PCCA: variants seen among roughly 807,000 people sequenced by gnomAD.
PCCA encodes propionyl-CoA carboxylase alpha chain, mitochondrial.
Under a neutral mutation model 101.3 loss-of-function variants are expected in PCCA, and 74 were observed. The observed-to-expected ratio is 0.73, with a 90% CI of 0.61 to 0.89. PCCA has a LOEUF of 0.89. Among genes scored for constraint, PCCA ranks in the 40% least tolerant of loss-of-function variants. The pLI, the probability that PCCA is intolerant of heterozygous loss-of-function variation, is 0.00. For synonymous variants in PCCA, 294 were observed against 313.6 expected (o/e 0.94, Z 0.66); for missense variants, 891 against 907.0 (o/e 0.98, Z 0.23).
intron 4 of PCCA, among the ~76,000 whole-genome samples, chr13:100,142,035 A>C (rs1489236941): frequency 1.4e-4 from 21 of 151,882 alleles, no homozygotes; most frequent in Non-Finnish European, 1.6e-4. Flanking sequence ...AATACTTGGA[A>C]ATTCATTTTT....
intron 19 of PCCA, among the ~76,000 whole-genome samples, chr13:100,419,228 T>C (rs1306937699): frequency 2.0e-5 from 3 of 152,028 alleles, no homozygotes; most frequent in African/African-American, 7.2e-5. Flanking sequence ...TCCCAGCACT[T>C]TGGGAGGCCG....
intron 21 of PCCA, among the ~76,000 whole-genome samples, chr13:100,456,889 G>A (rs563823322): frequency 1.3e-5 from 2 of 152,206 alleles, no homozygotes; most frequent in African/African-American, 4.8e-5. Flanking sequence ...ATAATATCCA[G>A]CCTCCCACAA....
chr13:100,218,179 T>C lies in PCCA; in HGVS notation c.600+8716T>C, dbSNP rs550479468. ...ATTTGTATGCAAGTATTTGCTTATA[T>C]ATTTGTTTGTTTTGAGATGGTATTT... On this transcript the variant is annotated intron_variant, in intron 7 of 23. Coordinates refer to ENST00000376285, the MANE Select transcript of PCCA (RefSeq NM_000282.4). 1.1e-3 allele frequency among the ~76,000 whole-genome samples: 168 copies of C among 152,182 alleles called. 2 individuals carry two copies. The highest frequency in any genetic ancestry group is 0.011 in the Admixed American group (164 of 15,282).
At chr13:100,434,241 A>C (rs909979114) in intron 20 of PCCA, among the ~76,000 whole-genome samples, 3 of 152,028 alleles carry the variant, frequency 2.0e-5, no homozygotes. Context: ...TTTGCGGGAG[A>C]GGAATTCTGA....
At chr13:100,290,044 A>G (rs961731496) in intron 12 of PCCA, among the ~76,000 whole-genome samples, 1 of 152,188 alleles carries the variant, frequency 6.6e-6, no homozygotes, top group Non-Finnish European at 1.5e-5. Context: ...GATTGAATAC[A>G]GGATTCTTGA....
rs148152357 is a variant in PCCA at position 100,222,279 on chromosome 13, G to A, written c.600+12816G>A. Among the ~76,000 whole-genome samples, 1,169 of 151,958 alleles carry A rather than the reference G, an allele frequency of 7.7e-3. 14 individuals carry two copies. Among genetic ancestry groups the A allele is most frequent in the African/African-American group, 0.026 (1,075 of 41,426 alleles). On this transcript the variant is annotated intron_variant, in intron 7 of 23. Transcript: ENST00000376285. ...TTTAGTAGAGATGAGGTTTCACCAT[G>A]TTGGCCAGGCTGGTTTTGAACTCCT...
intron 4 of PCCA, among the ~76,000 whole-genome samples, chr13:100,152,884 ATAC>A (rs1055692436): frequency 6.6e-6 from 1 of 152,248 alleles, no homozygotes; most frequent in Non-Finnish European, 1.5e-5. Flanking sequence ...AAAAATGTCA[ATAC>A]TATTAGGATT....
chr13:100,399,087 C>T lies in PCCA; in HGVS notation c.1747-26546C>T, dbSNP rs544373217. ...TTTTTTCCATGTTAAATATGCTTTG[C>T]CTATTTATATTTGCCTTAATTTTTG... On this transcript the variant is annotated intron_variant, in intron 19 of 23. Transcript: ENST00000376285. Among the ~76,000 whole-genome samples the T allele has an allele frequency of 7.4e-4, 113 of 151,914 alleles. 1 individual carries two copies. The highest frequency in any genetic ancestry group is 2.5e-3 in the African/African-American group (105 of 41,460).
At chr13:100,435,801 T>G (rs1366752132) in intron 20 of PCCA, among the ~76,000 whole-genome samples, 1 of 152,160 alleles carries the variant, frequency 6.6e-6, no homozygotes, top group Non-Finnish European at 1.5e-5. Context: ...CCCAGCACTT[T>G]GGGAGGCCGA....
At chr13:100,309,975 G>C in intron 16 of PCCA, 67 bp downstream of exon 16, 1 of 1,149,922 alleles carries the variant, frequency 8.7e-7, no homozygotes, top group Non-Finnish European at 1.3e-6. Context: ...ACAGCCTGGG[G>C]GTTTACCAAT....
chr13:100,321,924 G>C (rs1233292860), intron 16 of PCCA, among the ~76,000 whole-genome samples: 1 of 152,104 alleles, frequency 6.6e-6, no homozygotes. Context: ...ATGCCTGGGA[G>C]GGTATACATG....
intron 8 of PCCA, among the ~76,000 whole-genome samples, chr13:100,252,556 C>T (rs2061824462): frequency 6.6e-6 from 1 of 152,090 alleles, no homozygotes; most frequent in Non-Finnish European, 1.5e-5. Context: ...GTCATTTTAT[C>T]AGCTTTTAAG....
chr13:100,150,449 A>G (rs1374883634), intron 4 of PCCA: 1 of 701,738 alleles, frequency 1.4e-6, no homozygotes, highest in Non-Finnish European at 2.1e-6. Flanking sequence ...CAAATTGTTT[A>G]TTAGGTATGA....
intron 16 of PCCA, among the ~76,000 whole-genome samples, chr13:100,316,646 T>C (rs1019796108): frequency 6.6e-6 from 1 of 152,196 alleles, no homozygotes; most frequent in Admixed American, 6.5e-5. Context: ...ATTTTACTGA[T>C]GACAGAGTTT....
intron 21 of PCCA, among the ~76,000 whole-genome samples, chr13:100,511,758 C>T (rs190124842): frequency 6.6e-6 from 1 of 152,330 alleles, no homozygotes; most frequent in African/African-American, 2.4e-5. Flanking sequence ...GCGCTCACCT[C>T]GGGAGCAGCC....
intron 10 of PCCA, among the ~76,000 whole-genome samples, chr13:100,265,340 A>G (rs901267766): frequency 6.6e-6 from 1 of 152,094 alleles, no homozygotes; most frequent in South Asian, 2.1e-4. Flanking sequence ...AAATTCTGAT[A>G]TCCACTTTTT....
At chr13:100,150,923 C>A in intron 4 of PCCA, 1 of 1,542,390 alleles carries the variant, frequency 6.5e-7, no homozygotes, top group African/African-American at 1.4e-5. Flanking sequence ...TATAACGTAA[C>A]CTTGCTTGGC....
At chr13:100,153,112 A>G (rs1265185081) in intron 4 of PCCA, among the ~76,000 whole-genome samples, 1 of 152,180 alleles carries the variant, frequency 6.6e-6, no homozygotes, top group African/African-American at 2.4e-5. Flanking sequence ...TTGTACCTCA[A>G]AGACAATGGC....
At chr13:100,236,465 C>CT (rs1223445867) in intron 8 of PCCA, 157 of 143,994 alleles carry the variant, frequency 1.1e-3, no homozygotes, top group East Asian at 2.2e-3. Context: ...CTTTTCTTTC[C>CT]TTTTTTTTTT....
Sources: allele counts gnomAD v4.1 joint callset (sites outside exome capture counted in the v4.1 genomes callset), GRCh38; gene constraint gnomAD v4.1.1; transcripts MANE v1.5; gene names NCBI Gene and HGNC (gene_info 2026-07-23, HGNC 2026-07-21).